Variants in GOLGA4 observed in about 807,000 individuals in gnomAD.
The protein encoded by GOLGA4 is golgin subfamily A member 4.
A neutral mutation model predicts 265.9 loss-of-function variants in GOLGA4; 169 were observed. That is an observed-to-expected ratio of 0.64 (90% CI 0.56 to 0.72). GOLGA4 has a LOEUF of 0.72. GOLGA4 is among the 30% of genes least tolerant of loss of function. The pLI is 0.00. For synonymous variants in GOLGA4, 923 were observed against 855.8 expected, an observed-to-expected ratio of 1.08 and a Z score of -1.37; for missense variants, 2,482 against 2,483.4, an observed-to-expected ratio of 1.00 and a Z score of 0.01.
chr3:37,257,304 A>T (rs2096751560), intron 2 of GOLGA4, among the ~76,000 whole-genome samples: 1 of 152,068 alleles, frequency 6.6e-6, no homozygotes, highest in Admixed American at 6.5e-5. Flanking sequence ...AAATCTATGT[A>T]CTGTATTAGT....
In GOLGA4 at chr3:37,258,025, GTATATATGTATATATACATACATATATA is replaced by G; in HGVS notation, c.162+6545_162+6572del. ...TATATACATACATATATATATGTAT[GTATATATGTATATATACATACATATATA>G]TATGTATGTATATATGTATATATAT... On this transcript the variant is annotated intron_variant, in intron 2 of 23. Coordinates refer to ENST00000361924, the MANE Select transcript of GOLGA4 (RefSeq NM_002078.5). Among the ~76,000 whole-genome samples the G allele has an allele frequency of 2.8e-5, 2 of 72,658 alleles. 1 individual carries two copies. The highest frequency in any genetic ancestry group is 5.1e-5 in the Non-Finnish European group (2 of 38,932). 47.7% of individuals were successfully genotyped at this position (72,658 alleles called of 152,430 possible).
rs567838649 is a variant in GOLGA4, at chr3:37,323,116, CTTTTTTTTTTTT to C, written c.1702-460_1702-449del. ...CATGTAATCTTTTCTTTCCTTTTGT[CTTTTTTTTTTTT>C]TTTTTTTTTTTCCAAGACAGAGGAG... On this transcript the variant is annotated intron_variant, in intron 13 of 23. Transcript: ENST00000361924. Among the ~76,000 whole-genome samples, 17 of 114,152 alleles carry C rather than the reference CTTTTTTTTTTTT, an allele frequency of 1.5e-4. No individual in the cohort carries two copies. In the East Asian group the frequency reaches 2.6e-3, roughly 17 times the overall value. 74.9% of individuals were successfully genotyped at this position (114,152 alleles called of 152,430 possible). A position where few individuals can be genotyped will look rare whatever the true frequency, so the allele number is the denominator to read the frequency against.
intron 2 of GOLGA4, among the ~76,000 whole-genome samples, chr3:37,253,201 G>C (rs1377885352): frequency 6.6e-6 from 1 of 150,490 alleles, no homozygotes; most frequent in African/African-American, 2.5e-5. Context: ...AAGCTGCAGT[G>C]AACCATGATT....
At chr3:37,295,904 T>A (rs1440497981) in intron 6 of GOLGA4, among the ~76,000 whole-genome samples, 183 bp from the exon 7 acceptor site, 1 of 152,252 alleles carries the variant, frequency 6.6e-6, no homozygotes, top group African/African-American at 2.4e-5. Flanking sequence ...ATTTAAATTA[T>A]ACTGGAGGAT....
At chr3:37,256,197 A>T (rs1050441290) in intron 2 of GOLGA4, among the ~76,000 whole-genome samples, 2 of 152,066 alleles carry the variant, frequency 1.3e-5, no homozygotes, top group African/African-American at 4.8e-5. Flanking sequence ...TGAGTTCTCT[A>T]TTCTGTTCCA....
intron 16 of GOLGA4, among the ~76,000 whole-genome samples, chr3:37,329,724 A>G (rs2096983941): frequency 6.6e-6 from 1 of 152,266 alleles, no homozygotes; most frequent in Non-Finnish European, 1.5e-5. Flanking sequence ...AAGATAAGCC[A>G]TGAAGATACA....
At position 37,258,776 on chromosome 3, in the gene GOLGA4, T is replaced by C. The variant is rs556454087; in HGVS notation, c.162+7292T>C. ...TTCCTTCCTAAATCCTTTATTATAT[T>C]GAATATCGTATTAATTGGTTTTCAG... On this transcript the variant is annotated intron_variant, in intron 2 of 23. Transcript: ENST00000361924. 7.3e-4 allele frequency among the ~76,000 whole-genome samples: 111 copies of C among 152,330 alleles called. 1 individual carries two copies. The highest frequency in any genetic ancestry group is 4.1e-4 in the South Asian group (2 of 4,828).
At chr3:37,290,510 A>T (rs75142259) in intron 5 of GOLGA4, among the ~76,000 whole-genome samples, 5,834 of 152,200 alleles carry the variant, frequency 0.038, 142 homozygotes, top group African/African-American at 0.056. Flanking sequence ...AAACATTTCT[A>T]AACATGACTT....
chr3:37,330,682 A>G (rs2096987013), intron 16 of GOLGA4, among the ~76,000 whole-genome samples: 1 of 151,898 alleles, frequency 6.6e-6, no homozygotes, highest in Non-Finnish European at 1.5e-5. Context: ...AGTGGCATGG[A>G]CTCTTTTCCA....
In GOLGA4 at chr3:37,324,702, A is replaced by T; in HGVS notation, c.2816A>T (p.His939Leu). The change falls in exon 14 of 24, where the codon CAT becomes CTT. Residue 939 changes from histidine (H) to leucine (L), a missense_variant. Physicochemically the swap from His to Leu is moderately conservative, Grantham distance 99. Transcript: ENST00000361924. The part of the protein sequence containing the change: ...QKLSAKEDSI[H>L]ILNEEYETKF... Reference sequence around the variant, plus strand: ...TTGTCAGCCAAGGAGGACAGTATTCATATTTTGAATGAGGAATATGAAACC... The same window carrying T: ...TTGTCAGCCAAGGAGGACAGTATTCTTATTTTGAATGAGGAATATGAAACC... 1 of 1,602,220 alleles carries T rather than the reference A, an allele frequency of 6.2e-7. No individual in the cohort carries two copies. Among genetic ancestry groups the T allele is most frequent in the Non-Finnish European group, 8.5e-7 (1 of 1,176,832 alleles).
At position 37,326,539 on chromosome 3, in the gene GOLGA4, C is replaced by T; in HGVS notation, c.4653C>T (p.Tyr1551=). ...CCTTAAATGAAGTTCTTAAAAATTA[C>T]AATCAACAAAAGGATATTGAACACA... ...IESLNEVLKN[Y]NQQKDIEHKE... Residue 1551 remains tyrosine (Y), a synonymous_variant, in exon 14 of 24, where the codon TAC becomes TAT. Coordinates refer to ENST00000361924, the MANE Select transcript of GOLGA4 (RefSeq NM_002078.5). The T allele has an allele frequency of 6.2e-7, 1 of 1,607,240 alleles. No homozygotes were observed. The highest frequency in any genetic ancestry group is 1.1e-5 in the South Asian group (1 of 89,534).
At chr3:37,271,017 T>G (rs2150716465) in intron 2 of GOLGA4, among the ~76,000 whole-genome samples, 1 of 152,110 alleles carries the variant, frequency 6.6e-6, no homozygotes, top group Middle Eastern at 3.4e-3. Context: ...CCACGCAACC[T>G]AGATCCTTCA....
chr3:37,328,831 C>A, intron 15 of GOLGA4, 132 bp from the exon 16 acceptor site: 2 of 780,922 alleles, frequency 2.6e-6, no homozygotes, highest in African/African-American at 1.8e-5. Flanking sequence ...TCTCATTAAA[C>A]ATCTTAAAAT....
chr3:37,298,838 G>A lies in GOLGA4; in HGVS notation c.820G>A (p.Asp274Asn). 6.2e-7 allele frequency: 1 copy of A among 1,602,216 alleles called. No homozygotes were observed. The highest frequency in any genetic ancestry group is 8.5e-7 in the Non-Finnish European group (1 of 1,176,108). The change falls in exon 8 of 24, where the codon GAT (aspartate) becomes AAT (asparagine). Residue 274 changes from aspartate to asparagine, a missense_variant. This residue lies in a region of GOLGA4 where 1,536 missense variants were observed against 1,483.7 expected (regional missense o/e 1.04). Coordinates refer to ENST00000361924, the MANE Select transcript of GOLGA4 (RefSeq NM_002078.5). ...TTATGTTGCTTTATTGTTAGTGGAAGATGGAACTTCTGTAAAAACACTGGA... is the reference window on the plus strand; with the variant it reads ...TTATGTTGCTTTATTGTTAGTGGAAAATGGAACTTCTGTAAAAACACTGGA... ...PESDGEPVVE[D>N]GTSVKTLETL...
chr3:37,245,058 T>C (rs1172070806), intron 1 of GOLGA4, among the ~76,000 whole-genome samples: 1 of 152,204 alleles, frequency 6.6e-6, no homozygotes, highest in East Asian at 1.9e-4. Flanking sequence ...AAGATTTAGC[T>C]CTATGGATTT....
At chr3:37,246,931 C>CA (rs911813639) in intron 1 of GOLGA4, among the ~76,000 whole-genome samples, 1 of 151,608 alleles carries the variant, frequency 6.6e-6, no homozygotes, top group African/African-American at 2.4e-5. Flanking sequence ...AAAATAAAAA[C>CA]AAAAAAACCA....
In GOLGA4 at chr3:37,325,712, G is replaced by T. The variant is rs769284766; in HGVS notation, c.3826G>T (p.Ala1276Ser). The T allele has an allele frequency of 6.2e-7, 1 of 1,613,350 alleles. No individual in the cohort carries two copies. The highest frequency in any genetic ancestry group is 8.5e-7 in the Non-Finnish European group (1 of 1,179,314). The part of the protein sequence containing the change: ...IKTCTVSELE[A>S]QLRQLTEEQN... ...AACTTGCACAGTTTCTGAATTAGAA[G>T]CACAACTTAGACAGTTGACAGAGGA... Residue 1276 changes from alanine to serine, a missense_variant, in exon 14 of 24, where the codon GCA becomes TCA. By Grantham distance (99) the Ala-to-Ser change is moderately conservative. Transcript: ENST00000361924.
Position 37,243,470 on chromosome 3 carries a change from C to T in GOLGA4, c.-81C>T. On this transcript the variant is annotated 5_prime_UTR_variant, in exon 1 of 24. Coordinates refer to ENST00000361924, the MANE Select transcript of GOLGA4 (RefSeq NM_002078.5). Reference sequence around the variant, plus strand: ...CGCTGTCCCTGGTGTAAAGAAGTCGCCGTAGCCGTCGCGGCCGGGACTCCC... The same window carrying T: ...CGCTGTCCCTGGTGTAAAGAAGTCGTCGTAGCCGTCGCGGCCGGGACTCCC... The T allele has an allele frequency of 8.1e-7, 1 of 1,232,312 alleles. No homozygotes were observed. The highest frequency in any genetic ancestry group is 1.2e-6 in the Non-Finnish European group (1 of 833,598). 76.3% of individuals were successfully genotyped at this position (1,232,312 alleles called of 1,614,324 possible).
At chr3:37,306,617 C>G (rs1452175843) in intron 10 of GOLGA4, among the ~76,000 whole-genome samples, 1 of 151,534 alleles carries the variant, frequency 6.6e-6, no homozygotes, top group East Asian at 1.9e-4. Flanking sequence ...TAGAGAAAAT[C>G]ACATCACTGT....
Sources: gnomAD v4.1 joint callset for allele counts (sites outside exome capture counted in the v4.1 genomes callset) on GRCh38, gnomAD v4.1.1 for gene constraint, gnomAD v4.1.1 regional missense constraint, MANE v1.5 for transcripts, NCBI Gene and HGNC (gene_info 2026-07-23, HGNC 2026-07-21) for gene names.